The following ADAM10 variants were observed in gnomAD, a reference collection of about 807,000 sequenced individuals.
The protein encoded by ADAM10 is ADAM metallopeptidase domain 10, also known as disintegrin and metalloproteinase domain-containing protein 10.
ADAM10 carries 17 observed loss-of-function variants against 90.1 expected under a neutral mutation model. That is an observed-to-expected ratio of 0.19 (90% CI 0.13 to 0.28). ADAM10 has a LOEUF of 0.28. Among genes scored for constraint, ADAM10 ranks in the 10% least tolerant of loss-of-function variants. ADAM10 has a pLI of 1.00. For missense variants in ADAM10, 610 were observed against 914.3 expected (o/e 0.67, Z 4.29); for synonymous variants, 310 against 298.6 (o/e 1.04, Z -0.40).
intron 7 of ADAM10, 71 bp downstream of exon 7, chr15:58,643,815 T>TTG (rs1350926043): frequency 7.9e-5 from 92 of 1,159,022 alleles, no homozygotes; most frequent in African/African-American, 3.2e-4. Flanking sequence ...AAGCAAGCTT[T>TTG]TGTGTGTGTG....
At chr15:58,724,050 G>C (rs1415561929) in intron 1 of ADAM10, among the ~76,000 whole-genome samples, 1 of 151,974 alleles carries the variant, frequency 6.6e-6, no homozygotes, top group Non-Finnish European at 1.5e-5. Flanking sequence ...GGCCAACATG[G>C]TGAAACCCTG....
At chr15:58,664,980 A>C (rs1319137178) in intron 5 of ADAM10, 117 bp downstream of exon 5, 1 of 842,974 alleles carries the variant, frequency 1.2e-6, no homozygotes, top group East Asian at 2.5e-5. Context: ...ATTAAAAAAC[A>C]TTCCCCACAG....
intron 5 of ADAM10, among the ~76,000 whole-genome samples, chr15:58,658,607 T>A (rs374029709): frequency 6.6e-6 from 1 of 152,228 alleles, no homozygotes; most frequent in Non-Finnish European, 1.5e-5. Flanking sequence ...CATATTAACA[T>A]TGAGGATTCC....
chr15:58,689,058 A>G (rs192515024), intron 2 of ADAM10, among the ~76,000 whole-genome samples: 3 of 152,302 alleles, frequency 2.0e-5, no homozygotes, highest in Admixed American at 2.0e-4. Context: ...AACAAACACC[A>G]AGAAAGATAC....
chr15:58,645,518 TTCATTTATACTAG>T (rs1271586480), intron 6 of ADAM10, among the ~76,000 whole-genome samples: 1 of 152,168 alleles, frequency 6.6e-6, no homozygotes, highest in East Asian at 1.9e-4. Flanking sequence ...ACCAAAATGA[TTCATTTATACTAG>T]TCGTACCTCC....
At position 58,636,579 on chromosome 15, in the gene ADAM10, G is replaced by A. The variant is rs146845659; in HGVS notation, c.1013-3220C>T. Among the ~76,000 whole-genome samples the A allele has an allele frequency of 6.6e-5, 10 of 152,124 alleles. No individual in the cohort carries two copies. The East Asian group carries it at 1.9e-3, about 29-fold the overall frequency. ...TGAATAACAATGAGAAGGGTGAAAC[G>A]TTTTCAATTCGGGTCAAAAGTAATT... is the stretch of plus-strand genomic sequence containing the variant. On this transcript the variant is annotated intron_variant, in intron 8 of 15. Coordinates refer to ENST00000260408, the MANE Select transcript of ADAM10 (RefSeq NM_001110.4).
chr15:58,596,685 GGAATT>G lies in ADAM10; in HGVS notation c.*857_*861del, dbSNP rs1894961557. ...AAATTTCACCTATTAATTGAAAAAT[GGAATT>G]GAATTAGAAAGTTTAAAAGACGTAA... is the stretch of plus-strand genomic sequence containing the variant. On this transcript the variant is annotated 3_prime_UTR_variant, in exon 16 of 16. Coordinates refer to ENST00000260408, the MANE Select transcript of ADAM10 (RefSeq NM_001110.4). 1 of 152,220 alleles carries G rather than the reference GGAATT, an allele frequency of 6.6e-6. No individual in the cohort carries two copies. The highest frequency in any genetic ancestry group is 1.5e-5 in the Non-Finnish European group (1 of 68,014). 9.4% of individuals were successfully genotyped at this position (152,220 alleles called of 1,614,324 possible). A position where few individuals can be genotyped will look rare whatever the true frequency, so the allele number is the denominator to read the frequency against.
intron 10 of ADAM10, among the ~76,000 whole-genome samples, chr15:58,624,531 A>T (rs1265788764): frequency 5.9e-5 from 9 of 152,116 alleles, no homozygotes; most frequent in African/African-American, 2.2e-4. Context: ...ACAATGAGGT[A>T]CTGTTTGTTT....
At chr15:58,713,345 A>T (rs139651003) in intron 2 of ADAM10, among the ~76,000 whole-genome samples, 10 of 152,228 alleles carry the variant, frequency 6.6e-5, no homozygotes, top group African/African-American at 1.7e-4. Context: ...GGCTCAAGTG[A>T]TCCTTTCACC....
chr15:58,634,656 TTATTA>T (rs1322111643), intron 8 of ADAM10, among the ~76,000 whole-genome samples: 1 of 152,158 alleles, frequency 6.6e-6, no homozygotes, highest in African/African-American at 2.4e-5. Flanking sequence ...TTAATTAACT[TTATTA>T]TAAGATTTTC....
chr15:58,689,175 C>A (rs962246796), intron 2 of ADAM10, among the ~76,000 whole-genome samples: 43 of 152,108 alleles, frequency 2.8e-4, no homozygotes, highest in African/African-American at 9.9e-4. Flanking sequence ...AGAGTGACTG[C>A]TGATTTAACA....
At chr15:58,734,874 T>C (rs1232762478) in intron 1 of ADAM10, among the ~76,000 whole-genome samples, 1 of 152,154 alleles carries the variant, frequency 6.6e-6, no homozygotes, top group South Asian at 2.1e-4. Flanking sequence ...ACATATACCC[T>C]TGATTTCCAC....
Position 58,621,734 on chromosome 15 carries a change from A to G in ADAM10, c.1361-113T>C, listed in dbSNP as rs532195222. The G allele has an allele frequency of 5.3e-6, 7 of 1,325,942 alleles. No homozygotes were observed. The South Asian group carries it at 6.1e-5, about 12-fold the overall frequency. 82.1% of individuals were successfully genotyped at this position (1,325,942 alleles called of 1,614,324 possible). Reference sequence around the variant, plus strand: ...AAGGGATAAAGGAAAACTTTGATGAATAAGTAGAACAAACTAGGAATCTGG... The same window carrying G: ...AAGGGATAAAGGAAAACTTTGATGAGTAAGTAGAACAAACTAGGAATCTGG... On this transcript the variant is annotated intron_variant, in intron 10 of 15. Transcript: ENST00000260408.
At chr15:58,686,608 T>C in intron 2 of ADAM10, 1 of 978,044 alleles carries the variant, frequency 1.0e-6, no homozygotes, top group South Asian at 1.3e-5. Flanking sequence ...GATCCTGTGC[T>C]TTACTCTGAA....
intron 1 of ADAM10, among the ~76,000 whole-genome samples, chr15:58,745,484 A>G (rs1899761208): frequency 6.6e-6 from 1 of 152,226 alleles, no homozygotes; most frequent in Admixed American, 6.5e-5. Flanking sequence ...TTCTATATTA[A>G]AGACCTTCAA....
chr15:58,655,721 A>AC (rs1487094746), intron 5 of ADAM10, among the ~76,000 whole-genome samples: 2 of 80,574 alleles, frequency 2.5e-5, no homozygotes, highest in Non-Finnish European at 4.8e-5. Flanking sequence ...GTATATATAT[A>AC]TATATATATA....
Position 58,706,328 on chromosome 15 carries a change from T to C in ADAM10, c.206+11249A>G, listed in dbSNP as rs565445781. Among the ~76,000 whole-genome samples, 185 of 152,250 alleles carry C rather than the reference T, an allele frequency of 1.2e-3. 2 individuals carry two copies. The highest frequency in any genetic ancestry group is 4.3e-3 in the African/African-American group (180 of 41,548). ...GAATAGAGTTCTATCATATCTAAAATGAAGCAGGCCTATGACAGGCCTGGG... is the reference window on the plus strand; with the variant it reads ...GAATAGAGTTCTATCATATCTAAAACGAAGCAGGCCTATGACAGGCCTGGG... On this transcript the variant is annotated intron_variant, in intron 2 of 15. Transcript: ENST00000260408.
At chr15:58,719,788 T>C (rs375199095) in intron 1 of ADAM10, among the ~76,000 whole-genome samples, 4 of 152,232 alleles carry the variant, frequency 2.6e-5, no homozygotes, top group Non-Finnish European at 4.4e-5. Context: ...CCAGATCGAA[T>C]AGAAAACTAC....
chr15:58,712,697 G>C (rs1251437517), intron 2 of ADAM10, among the ~76,000 whole-genome samples: 3 of 151,660 alleles, frequency 2.0e-5, no homozygotes, highest in African/African-American at 7.3e-5. Context: ...GCGGTGGTGG[G>C]CGCCTCTAGT....
Sources: allele counts gnomAD v4.1 joint callset (sites outside exome capture counted in the v4.1 genomes callset), GRCh38; gene constraint gnomAD v4.1.1; transcripts MANE v1.5; gene names NCBI Gene and HGNC (gene_info 2026-07-23, HGNC 2026-07-21).